The following GTF2A2 variants were observed in gnomAD, a reference collection of about 807,000 sequenced individuals.
GTF2A2 encodes general transcription factor IIA subunit 2, also known as transcription initiation factor IIA subunit 2.
In GTF2A2, 9 loss-of-function variants were observed where a neutral mutation model predicts 14.3. That is an observed-to-expected ratio of 0.63 (90% CI 0.38 to 1.10). The LOEUF (loss-of-function observed/expected upper bound fraction) is 1.10. Among genes scored for constraint, GTF2A2 ranks in the 50% least tolerant of loss-of-function variants. GTF2A2 has a pLI of 0.01. For missense variants in GTF2A2, 90 were observed against 124.6 expected (o/e 0.72, Z 1.32); for synonymous variants, 56 against 46.0 (o/e 1.22, Z -0.88).
chr15:59,649,455 C>T (rs188571418), intron 3 of GTF2A2, among the ~76,000 whole-genome samples: 1 of 152,088 alleles, frequency 6.6e-6, no homozygotes, highest in Non-Finnish European at 1.5e-5. Flanking sequence ...AACTATCTTG[C>T]CTCTGATAAG....
chr15:59,643,502 C>G (rs1414912486), intron 3 of GTF2A2, among the ~76,000 whole-genome samples: 1 of 151,972 alleles, frequency 6.6e-6, no homozygotes, highest in African/African-American at 2.4e-5. Context: ...CAGGCGTGAG[C>G]CACCATGCCC....
chr15:59,638,430 G>A lies in GTF2A2; in HGVS notation c.*702C>T, dbSNP rs1488424201. 1.5e-5 allele frequency: 2 copies of A among 136,590 alleles called. No individual in the cohort carries two copies. Among genetic ancestry groups the A allele is most frequent in the Admixed American group, 7.7e-5 (1 of 12,958 alleles). The allele number at this position is 136,590 out of a possible 1,614,324, so 8.5% of individuals were successfully genotyped here. A position where few individuals can be genotyped will look rare whatever the true frequency, so the allele number is the denominator to read the frequency against. ...AATTAGACTTTATTGTAAGTCTAAT[G>A]TATCTTGTACATGATAAAATGTATG... On this transcript the variant is annotated 3_prime_UTR_variant, in exon 5 of 5. Transcript: ENST00000396060.
At chr15:59,642,290 G>A (rs771681416) in intron 3 of GTF2A2, 28 bp from the exon 4 acceptor site, 12 of 1,552,772 alleles carry the variant, frequency 7.7e-6, no homozygotes, top group South Asian at 2.5e-5. Flanking sequence ...TAGAAATACC[G>A]TGAAACGTTT....
chr15:59,641,181 CTTTTTTTTTT>C (rs374075324), intron 4 of GTF2A2, among the ~76,000 whole-genome samples: 5 of 141,374 alleles, frequency 3.5e-5, no homozygotes, highest in African/African-American at 1.3e-4. Flanking sequence ...CAGCAAGACT[CTTTTTTTTTT>C]TTTTTTTTTA....
chr15:59,655,682 T>C (rs1439317418), intron 1 of GTF2A2, among the ~76,000 whole-genome samples: 2 of 152,234 alleles, frequency 1.3e-5, no homozygotes, highest in Admixed American at 1.3e-4. Context: ...GTACCACTGC[T>C]GATGATCCCC....
intron 3 of GTF2A2, among the ~76,000 whole-genome samples, chr15:59,648,018 C>G (rs1452348957): frequency 6.6e-6 from 1 of 152,108 alleles, no homozygotes; most frequent in Non-Finnish European, 1.5e-5. Context: ...AATCTTTTAA[C>G]GCTTGTTAAT....
chr15:59,652,989 A>G (rs549164705), intron 1 of GTF2A2: 6 of 152,312 alleles, frequency 3.9e-5, no homozygotes, highest in African/African-American at 7.2e-5. Context: ...ACAGAATAGA[A>G]TAAGTAAAGC....
chr15:59,641,635 G>C (rs1361880671), intron 4 of GTF2A2, among the ~76,000 whole-genome samples: 1 of 150,618 alleles, frequency 6.6e-6, no homozygotes, highest in Non-Finnish European at 1.5e-5. Flanking sequence ...TTAAGGACCT[G>C]AAGAAGTTCC....
intron 3 of GTF2A2, among the ~76,000 whole-genome samples, chr15:59,644,714 A>C (rs182951733): frequency 5.0e-4 from 76 of 152,340 alleles, no homozygotes; most frequent in Admixed American, 4.9e-3. Flanking sequence ...CTAAAGAATA[A>C]GTAAGAGTCA....
At chr15:59,653,520 T>C (rs1185153419) in intron 1 of GTF2A2, among the ~76,000 whole-genome samples, 1 of 152,228 alleles carries the variant, frequency 6.6e-6, no homozygotes, top group Non-Finnish European at 1.5e-5. Context: ...TTGTATTTTT[T>C]ATTTTCTTTT....
chr15:59,656,248 T>C (rs1262687274), intron 1 of GTF2A2, among the ~76,000 whole-genome samples: 2 of 152,234 alleles, frequency 1.3e-5, no homozygotes, highest in African/African-American at 4.8e-5. Context: ...AAAGCATTTG[T>C]ATTGGCTTTC....
chr15:59,648,556 A>ACGGAC (rs1256811894), intron 3 of GTF2A2, among the ~76,000 whole-genome samples: 1 of 152,082 alleles, frequency 6.6e-6, no homozygotes, highest in Admixed American at 6.5e-5. Flanking sequence ...AATGATTAAA[A>ACGGAC]CCTTAGCTCT....
At chr15:59,640,212 G>T (rs12911167) in intron 4 of GTF2A2, 1 of 129,510 alleles carries the variant, frequency 7.7e-6, no homozygotes, top group African/African-American at 2.6e-5. Flanking sequence ...CAATAAACAA[G>T]GCCAATCTGC....
intron 1 of GTF2A2, 55 bp from the exon 2 acceptor site, chr15:59,652,381 A>C: frequency 1.5e-6 from 1 of 645,608 alleles, no homozygotes; most frequent in Non-Finnish European, 2.7e-6. Flanking sequence ...ATCATAAATT[A>C]TGTATATAAT....
intron 1 of GTF2A2, among the ~76,000 whole-genome samples, chr15:59,655,590 A>C (rs1287337986): frequency 6.6e-6 from 1 of 152,194 alleles, no homozygotes; most frequent in African/African-American, 2.4e-5. Context: ...AACTCTTAAT[A>C]TCACAGGACA....
intron 3 of GTF2A2, among the ~76,000 whole-genome samples, chr15:59,643,072 A>ATTTTTT (rs398043378): frequency 4.7e-5 from 3 of 64,094 alleles, no homozygotes; most frequent in Admixed American, 2.1e-4. Context: ...GGCCTATATA[A>ATTTTTT]TTTTTTTTTT....
intron 1 of GTF2A2, among the ~76,000 whole-genome samples, chr15:59,654,601 A>G (rs969720247): frequency 2.0e-5 from 3 of 152,222 alleles, no homozygotes; most frequent in African/African-American, 4.8e-5. Context: ...GTTCATTTAC[A>G]TATTTACCAA....
chr15:59,646,170 C>T (rs1397128717), intron 3 of GTF2A2, among the ~76,000 whole-genome samples: 3 of 152,136 alleles, frequency 2.0e-5, no homozygotes, highest in Non-Finnish European at 4.4e-5. Flanking sequence ...GATTCTCCTG[C>T]CTTGGCTTCC....
At chr15:59,657,014 G>A (rs979175005) in intron 1 of GTF2A2, 9 of 152,196 alleles carry the variant, frequency 5.9e-5, no homozygotes, top group East Asian at 1.9e-4. Context: ...AAAGTTGGAA[G>A]GCAGACTTCA....
Sources: gnomAD v4.1 joint callset for allele counts (sites outside exome capture counted in the v4.1 genomes callset) on GRCh38, gnomAD v4.1.1 for gene constraint, MANE v1.5 for transcripts, NCBI Gene and HGNC (gene_info 2026-07-23, HGNC 2026-07-21) for gene names.